The following IZUMO1 variants were observed in gnomAD, a reference collection of about 807,000 sequenced individuals.
IZUMO1 encodes izumo sperm-oocyte fusion 1.
Under a neutral mutation model 40.7 loss-of-function variants are expected in IZUMO1, and 44 were observed. The observed-to-expected ratio is 1.08, with a 90% confidence interval of 0.85 to 1.39. The LOEUF is 1.39. IZUMO1 is among the 40% of genes most tolerant of loss of function. IZUMO1 has a pLI of 0.00. For missense variants in IZUMO1, 368 were observed against 436.9 expected, an observed-to-expected ratio of 0.84 and a Z score of 1.41; for synonymous variants, 149 against 170.9, an observed-to-expected ratio of 0.87 and a Z score of 1.00.
rs2033846703 is a variant in IZUMO1, at chr19:48,745,295, G to A, written c.236-7C>T. On this transcript the variant is annotated splice_region_variant and splice_polypyrimidine_tract_variant and intron_variant, in intron 2 of 9. Transcript: ENST00000332955. Reference sequence around the variant, plus strand: ...TTTTGCAGTGTGGCCTCATCTGTCAGAGGAGATATAACCCCAGATTCCAGC... The same window carrying A: ...TTTTGCAGTGTGGCCTCATCTGTCAAAGGAGATATAACCCCAGATTCCAGC... 2.5e-6 allele frequency: 4 copies of A among 1,612,808 alleles called. No individual in the cohort carries two copies. Among genetic ancestry groups the A allele is most frequent in the South Asian group, 2.2e-5 (2 of 91,066 alleles).
rs904221442 is a variant in IZUMO1 at position 48,741,269 on chromosome 19, G to T, written c.932+32C>A. 1.9e-6 allele frequency: 3 copies of T among 1,551,954 alleles called. No individual in the cohort carries two copies. The highest frequency in any genetic ancestry group is 1.9e-5 in the Admixed American group (1 of 53,342). On this transcript the variant is annotated intron_variant, in intron 9 of 9. Coordinates refer to ENST00000332955, the MANE Select transcript of IZUMO1 (RefSeq NM_182575.3). The surrounding 1 kb of genome is among the most constrained non-coding windows in gnomAD (Gnocchi z 4.4). ...CTGGAAGCCCCGCCCCTTACTCCAA[G>T]CCAAGCCTGTCTTCTTCAATGGGTT...
In IZUMO1 at chr19:48,741,400, A is replaced by G; in HGVS notation, c.833T>C (p.Ile278Thr). The change falls in exon 9 of 10, where the codon ATA becomes ACA. Residue 278 changes from isoleucine to threonine, a missense_variant. Ile to Thr is a moderately conservative substitution (Grantham distance 89, BLOSUM62 -1). Transcript: ENST00000332955. The surrounding 1 kb of genome is among the most constrained non-coding windows in gnomAD (Gnocchi z 4.4). Reference protein sequence around the residue: ...TPGEATTESSISLQPLQPEKM... With the variant: ...TPGEATTESSTSLQPLQPEKM... ...CTCGGGCTGCAGAGGCTGGAGGCTT[A>G]TGGACGACTCCGTGGTCGCCTCCCC... The G allele has an allele frequency of 5.0e-6, 8 of 1,613,594 alleles. No individual in the cohort carries two copies. Among genetic ancestry groups the G allele is most frequent in the Non-Finnish European group, 6.8e-6 (8 of 1,179,908 alleles).
chr19:48,742,356 T>G (rs2033729272), intron 6 of IZUMO1, 47 bp from the exon 7 acceptor site: 1 of 1,416,262 alleles, frequency 7.1e-7, no homozygotes, highest in Non-Finnish European at 1.0e-6. Flanking sequence ...CTGTTTTTGT[T>G]TTTGTTTTTG....
Position 48,745,657 on chromosome 19 carries a change from G to A in IZUMO1, c.203C>T (p.Ser68Leu). ...ENAVKDFQEL[S>L]LNEDAYMGVV... ...CCCCATATAGGCATCCTCATTAAGC[G>A]ACAGTTCCTGGAAATCCTTCACGGC... The change falls in exon 2 of 10, where the codon TCG (serine) becomes TTG (leucine). Residue 68 changes from serine to leucine, a missense_variant. Transcript: ENST00000332955. The A allele has an allele frequency of 1.9e-6, 3 of 1,614,056 alleles. No homozygotes were observed. The highest frequency in any genetic ancestry group is 1.3e-5 in the African/African-American group (1 of 74,976).
chr19:48,743,160 G>T (rs549078709), intron 6 of IZUMO1: 21 of 411,470 alleles, frequency 5.1e-5, no homozygotes, highest in Non-Finnish European at 9.5e-5. Flanking sequence ...CCAAGTAGCT[G>T]GGACTACAGG....
chr19:48,743,599 C>T, intron 5 of IZUMO1, 74 bp from the exon 6 acceptor site: 2 of 1,176,260 alleles, frequency 1.7e-6, no homozygotes, highest in Non-Finnish European at 2.5e-6. Context: ...GGGCTAAGGG[C>T]TGGGGCCAGA....
At chr19:48,743,699 A>T in intron 5 of IZUMO1, 174 bp from the exon 6 acceptor site, 1 of 624,764 alleles carries the variant, frequency 1.6e-6, no homozygotes, top group East Asian at 2.8e-5. Context: ...CTCAGTAAAG[A>T]TTGTAAGTAG....
rs1053140302 is a variant in IZUMO1 at position 48,745,526 on chromosome 19, C to A, written c.235+99G>T. 3.9e-5 allele frequency: 56 copies of A among 1,437,008 alleles called. No homozygotes were observed. In the African/African-American group the frequency reaches 7.2e-4, roughly 19 times the overall value. 89.0% of individuals were successfully genotyped at this position (1,437,008 alleles called of 1,614,324 possible). ...AATCTGCATCTCAGCCTTCTCCATT[C>A]CCGAATCCCGGAGACCCTGCTGTCA... On this transcript the variant is annotated intron_variant, in intron 2 of 9. Transcript: ENST00000332955.
rs1341543311 is a variant in IZUMO1 at position 48,743,475 on chromosome 19, G to T, written c.469C>A (p.His157Asn). The change falls in exon 6 of 10, where the codon CAC becomes AAC. Residue 157 changes from histidine to asparagine, a missense_variant. His to Asn is a moderately conservative substitution (Grantham distance 68). Transcript: ENST00000332955. ...CAATCGTAGGACTTTCGACAAGCGT[G>T]AACCTCCTTTTTGCAGTTCTTGCAC... Reference protein sequence around the residue: ...IWCKNCKKEVHACRKSYDCGE... With the variant: ...IWCKNCKKEVNACRKSYDCGE... 2 of 1,614,018 alleles carry T rather than the reference G, an allele frequency of 1.2e-6. No homozygotes were observed. The highest frequency in any genetic ancestry group is 2.2e-5 in the South Asian group (2 of 91,092).
intron 5 of IZUMO1, chr19:48,743,818 C>T: frequency 2.0e-6 from 1 of 489,874 alleles, no homozygotes; most frequent in Non-Finnish European, 3.7e-6. Context: ...TGGTGAAACC[C>T]CGTCTCTGCT....
In IZUMO1 at chr19:48,745,837, A is replaced by C; in HGVS notation, c.23T>G (p.Leu8Arg). 1 of 1,614,230 alleles carries C rather than the reference A, an allele frequency of 6.2e-7. No homozygotes were observed. The highest frequency in any genetic ancestry group is 8.5e-7 in the Non-Finnish European group (1 of 1,180,038). MGPHFTL[L>R]CAALAGCLLP... ...CAAGCAACCGGCCAGCGCCGCACAC[A>C]GGAGGGTAAAATGCGGCCCCATTGC... Residue 8 changes from leucine (L) to arginine (R), a missense_variant, in exon 2 of 10, where the codon CTG (leucine) becomes CGG (arginine). Coordinates refer to ENST00000332955, the MANE Select transcript of IZUMO1 (RefSeq NM_182575.3).
At chr19:48,746,250 G>C in intron 1 of IZUMO1, 185 bp downstream of exon 1, 2 of 1,061,466 alleles carry the variant, frequency 1.9e-6, no homozygotes, top group Non-Finnish European at 2.3e-6. Context: ...AATTTTCCAA[G>C]TCCCCAGATT....
At position 48,743,459 on chromosome 19, in the gene IZUMO1, G is replaced by C; in HGVS notation, c.485C>G (p.Ser162Cys). ...AGTTCTCTCACCCCCGCAATCGTAGGACTTTCGACAAGCGTGAACCTCCTT... is the reference window on the plus strand; with the variant it reads ...AGTTCTCTCACCCCCGCAATCGTAGCACTTTCGACAAGCGTGAACCTCCTT... Reference protein sequence around the residue: ...CKKEVHACRKSYDCGERNVEV... With the variant: ...CKKEVHACRKCYDCGERNVEV... Residue 162 changes from serine (S) to cysteine (C), a missense_variant, in exon 6 of 10, where the codon TCC becomes TGC. Transcript: ENST00000332955. 6.2e-7 allele frequency: 1 copy of C among 1,614,088 alleles called. No homozygotes were observed. Among genetic ancestry groups the C allele is most frequent in the Non-Finnish European group, 8.5e-7 (1 of 1,180,002 alleles).
chr19:48,743,671 A>G (rs1253371283), intron 5 of IZUMO1, 146 bp from the exon 6 acceptor site: 1 of 666,350 alleles, frequency 1.5e-6, no homozygotes, highest in African/African-American at 1.8e-5. Context: ...GGTAAGTAGT[A>G]AGTGGGCTCC....
At chr19:48,745,443 A>C in intron 2 of IZUMO1, 155 bp from the exon 3 acceptor site, 1 of 1,018,830 alleles carries the variant, frequency 9.8e-7, no homozygotes, top group Non-Finnish European at 1.5e-6. Context: ...GTTTTATTAC[A>C]TAAAATTGCC....
At chr19:48,745,592 G>A (rs772921419) in intron 2 of IZUMO1, 33 bp downstream of exon 2, 2 of 1,610,736 alleles carry the variant, frequency 1.2e-6, no homozygotes, top group Non-Finnish European at 8.5e-7. Context: ...CCTTTCCCAG[G>A]ACCCAGGGGT....
chr19:48,744,776 TCCTGGACTCAAGCAATCCC>T (rs1205077598), intron 3 of IZUMO1, among the ~76,000 whole-genome samples: 2 of 151,872 alleles, frequency 1.3e-5, no homozygotes, highest in African/African-American at 4.8e-5. Context: ...AGCCTCAAAC[TCCTGGACTCAAGCAATCCC>T]CCCGCCTCAA....
In IZUMO1 at chr19:48,745,628, C is replaced by T. The variant is rs778951328; in HGVS notation, c.232G>A (p.Val78Ile). Residue 78 changes from valine (V) to isoleucine (I), a missense_variant, in exon 2 of 10, where the codon GTT (valine) becomes ATT (isoleucine). Val to Ile is a conservative substitution (Grantham distance 29, BLOSUM62 3). Transcript: ENST00000332955. ...CCGTGGTCCCCCCTGCCCTCACCAA[C>T]GACCCCCATATAGGCATCCTCATTA... ...SLNEDAYMGV[V>I]DEATLQKGSW... 10 of 1,614,006 alleles carry T rather than the reference C, an allele frequency of 6.2e-6. No homozygotes were observed. Among genetic ancestry groups the T allele is most frequent in the Middle Eastern group, 1.6e-4 (1 of 6,084 alleles).
At chr19:48,746,166 A>C in intron 1 of IZUMO1, 4 of 1,206,306 alleles carry the variant, frequency 3.3e-6, no homozygotes, top group Non-Finnish European at 2.1e-6. Flanking sequence ...AACAGGAATC[A>C]CTCATAAGTC....
Sources: gnomAD v4.1 joint callset for allele counts (sites outside exome capture counted in the v4.1 genomes callset) on GRCh38, gnomAD v4.1.1 for gene constraint, Gnocchi (gnomAD v3.1) non-coding constraint, MANE v1.5 for transcripts, NCBI Gene and HGNC (gene_info 2026-07-23, HGNC 2026-07-21) for gene names.